The following CNPY1 variants were observed in gnomAD, a reference collection of about 807,000 sequenced individuals.
The protein encoded by CNPY1 is canopy FGF signaling regulator 1.
A neutral mutation model predicts 14.4 loss-of-function variants in CNPY1; 14 were observed. The ratio of observed to expected loss-of-function variants is 0.97; its 90% CI spans 0.64 to 1.52. CNPY1 has a LOEUF of 1.52. Among genes scored for constraint, CNPY1 ranks in the 40% most tolerant of loss-of-function variants. The pLI, the probability that CNPY1 is intolerant of heterozygous loss-of-function variation, is 0.00. For missense variants in CNPY1, 129 were observed against 131.5 expected (o/e 0.98, Z 0.09); for synonymous variants, 43 against 46.5 (o/e 0.92, Z 0.31).
chr7:155,539,132 T>A (rs2116755986), intron 2 of CNPY1, among the ~76,000 whole-genome samples: 1 of 152,102 alleles, frequency 6.6e-6, no homozygotes, highest in African/African-American at 2.4e-5. Flanking sequence ...TGCTGTAATA[T>A]GAGGATTCAG....
chr7:155,515,134 C>T (rs1796593060), intron 2 of CNPY1, among the ~76,000 whole-genome samples: 1 of 152,122 alleles, frequency 6.6e-6, no homozygotes, highest in Non-Finnish European at 1.5e-5. Context: ...AACCAGAAAA[C>T]ATTGTATGGC....
intron 2 of CNPY1, among the ~76,000 whole-genome samples, chr7:155,527,434 CTTTTTTTTTTT>C (rs11364914): frequency 1.8e-5 from 1 of 56,884 alleles, no homozygotes; most frequent in East Asian, 6.2e-4. Flanking sequence ...TAATTAATTT[CTTTTTTTTTTT>C]TTTTTTTTTT....
rs138184541 is a variant in CNPY1, at chr7:155,525,336, A to C, written c.100-16239T>G. Among the ~76,000 whole-genome samples the C allele has an allele frequency of 4.1e-3, 627 of 152,034 alleles. 7 individuals are homozygous for C. Among genetic ancestry groups the C allele is most frequent in the South Asian group, 0.012 (60 of 4,806 alleles). Reference sequence around the variant, plus strand: ...GCTGGGATTACAGGCATGCGCCATCACGGCCGGTTAATTTTGTATTTTAAG... The same window carrying C: ...GCTGGGATTACAGGCATGCGCCATCCCGGCCGGTTAATTTTGTATTTTAAG... On this transcript the variant is annotated intron_variant, in intron 2 of 4. Coordinates refer to ENST00000636446, the MANE Select transcript of CNPY1 (RefSeq NM_001393663.1).
At chr7:155,527,054 C>CTTTTT (rs764084944) in intron 2 of CNPY1, among the ~76,000 whole-genome samples, 1 of 90,344 alleles carries the variant, frequency 1.1e-5, no homozygotes, top group African/African-American at 5.1e-5. Context: ...TTCTTTCTTT[C>CTTTTT]TTTTTTTTTT....
chr7:155,507,984 C>T (rs1274821279), intron 3 of CNPY1, among the ~76,000 whole-genome samples: 2 of 152,190 alleles, frequency 1.3e-5, no homozygotes, highest in Non-Finnish European at 2.9e-5. Context: ...TACAAACACA[C>T]GTATTCATTG....
At chr7:155,508,330 G>C (rs544772060) in intron 3 of CNPY1, among the ~76,000 whole-genome samples, 1 of 152,272 alleles carries the variant, frequency 6.6e-6, no homozygotes, top group Non-Finnish European at 1.5e-5. Flanking sequence ...ACTTAGTTTG[G>C]GCTAGAATAT....
chr7:155,521,524 C>G (rs1373925002), intron 2 of CNPY1, among the ~76,000 whole-genome samples: 1 of 152,196 alleles, frequency 6.6e-6, no homozygotes, highest in African/African-American at 2.4e-5. Context: ...TCCCTGTCCT[C>G]CCAGCACTTG....
chr7:155,545,277 G>GT (rs1236561357), intron 2 of CNPY1, among the ~76,000 whole-genome samples: 3 of 152,146 alleles, frequency 2.0e-5, no homozygotes, highest in Non-Finnish European at 4.4e-5. Context: ...CCCCTAATGG[G>GT]TCCCGCCTGG....
chr7:155,532,350 C>T (rs10254626), intron 2 of CNPY1, among the ~76,000 whole-genome samples: 111,348 of 151,700 alleles, frequency 0.73, 41,952 homozygotes, highest in African/African-American at 0.91. Flanking sequence ...GGGCCCGGGG[C>T]CGTGGCTCAC....
intron 2 of CNPY1, among the ~76,000 whole-genome samples, chr7:155,521,215 C>T (rs993847181): frequency 6.6e-6 from 1 of 152,148 alleles, no homozygotes; most frequent in Non-Finnish European, 1.5e-5. Context: ...CCAGGAAAGT[C>T]GCCGATGGGG....
chr7:155,509,293 T>G (rs143541988), intron 2 of CNPY1, among the ~76,000 whole-genome samples, 196 bp from the exon 3 acceptor site: 254 of 152,336 alleles, frequency 1.7e-3, no homozygotes, highest in African/African-American at 5.8e-3. Flanking sequence ...ATTACGGGGC[T>G]AGCGTAAATT....
At position 155,546,542 on chromosome 7, in the gene CNPY1, C is replaced by G. The variant is rs905106346; in HGVS notation, c.-128G>C. 2.6e-6 allele frequency: 1 copy of G among 391,788 alleles called. No individual in the cohort carries two copies. Among genetic ancestry groups the G allele is most frequent in the Non-Finnish European group, 4.5e-6 (1 of 221,598 alleles). The allele number at this position is 391,788 out of a possible 1,614,324, so 24.3% of individuals were successfully genotyped here. On this transcript the variant is annotated 5_prime_UTR_variant, in exon 1 of 5. Coordinates refer to ENST00000636446, the MANE Select transcript of CNPY1 (RefSeq NM_001393663.1). ...TTTGAGACAGAGTCTTGCTCTGTCA[C>G]CCAGGCTGGAGTGCAGTGGTGCAAT... is the stretch of plus-strand genomic sequence containing the variant.
intron 2 of CNPY1, among the ~76,000 whole-genome samples, chr7:155,543,198 C>T (rs951958851): frequency 5.9e-5 from 9 of 152,146 alleles, no homozygotes; most frequent in African/African-American, 1.9e-4. Flanking sequence ...TGTGGCCAGC[C>T]GGGCCGGGCT....
rs1469180 is a variant in CNPY1, at chr7:155,536,071, G to A, written c.99+9760C>T. 0.88 allele frequency among the ~76,000 whole-genome samples: 134,460 copies of A among 152,188 alleles called. 60,049 individuals carry two copies. Among genetic ancestry groups the A allele is most frequent in the East Asian group, 1 (5,173 of 5,176 alleles). On this transcript the variant is annotated intron_variant, in intron 2 of 4. Transcript: ENST00000636446. This position sits in a 1 kb window ranked among gnomAD's most constrained non-coding sequence, Gnocchi z 4.1. ...TTTGGCTGTAGGTAGTAAACCCTCC[G>A]GGATGATATTCTGGGCTGGGCTGTC...
At chr7:155,532,478 G>C (rs28533460) in intron 2 of CNPY1, among the ~76,000 whole-genome samples, 4 of 151,758 alleles carry the variant, frequency 2.6e-5, no homozygotes, top group African/African-American at 9.7e-5. Flanking sequence ...AAAATTAGCC[G>C]GGCACGGTGG....
intron 2 of CNPY1, among the ~76,000 whole-genome samples, chr7:155,517,172 G>T (rs944216060): frequency 7.9e-5 from 12 of 152,146 alleles, no homozygotes; most frequent in Non-Finnish European, 1.8e-4. Context: ...TTTGAAGAGG[G>T]GATTAAGATC....
At chr7:155,511,604 G>C (rs1274919485) in intron 2 of CNPY1, among the ~76,000 whole-genome samples, 1 of 152,172 alleles carries the variant, frequency 6.6e-6, no homozygotes, top group Non-Finnish European at 1.5e-5. Flanking sequence ...AGGTACAAAC[G>C]TGTGAATTTC....
rs10260547 is a variant in CNPY1, at chr7:155,506,980, G to T, written c.400+40C>A. On this transcript the variant is annotated intron_variant, in intron 4 of 4. Transcript: ENST00000636446. ...TGCAAGGCTGAGTGAGAGAGAGAGG[G>T]TGTGCGAGCAGCGAGCACATGTTAC... is the stretch of plus-strand genomic sequence containing the variant. 8.4e-3 allele frequency: 10,815 copies of T among 1,289,046 alleles called. 636 individuals are homozygous for T. In the African/African-American group the frequency reaches 0.13, roughly 16 times the overall value. 79.9% of individuals were successfully genotyped at this position (1,289,046 alleles called of 1,614,324 possible). A position where few individuals can be genotyped will look rare whatever the true frequency, so the allele number is the denominator to read the frequency against.
In CNPY1 at chr7:155,501,308, C is replaced by T. The variant is rs1198006749; in HGVS notation, c.*1760G>A. 5 of 152,164 alleles carry T rather than the reference C, an allele frequency of 3.3e-5. No homozygotes were observed. Among genetic ancestry groups the T allele is most frequent in the Admixed American group, 1.3e-4 (2 of 15,284 alleles). The allele number at this position is 152,164 out of a possible 1,614,324, so 9.4% of individuals were successfully genotyped here. On this transcript the variant is annotated 3_prime_UTR_variant, in exon 5 of 5. Transcript: ENST00000636446. ...GACAGGAGGTGCACCTCCCCACGTC[C>T]GTTTAGTTACAAACAGGAGCCCACA...
Sources: allele counts gnomAD v4.1 joint callset (sites outside exome capture counted in the v4.1 genomes callset), GRCh38; gene constraint gnomAD v4.1.1; non-coding constraint Gnocchi (gnomAD v3.1); transcripts MANE v1.5; gene names NCBI Gene and HGNC (gene_info 2026-07-23, HGNC 2026-07-21).